The following IL1R1 variants were observed in gnomAD, a reference collection of about 807,000 sequenced individuals.
IL1R1 encodes interleukin 1 receptor type 1.
Under a neutral mutation model 50.2 loss-of-function variants are expected in IL1R1, and 22 were observed. The observed-to-expected ratio is 0.44, with a 90% CI of 0.31 to 0.63. IL1R1 has a LOEUF of 0.63. Among genes scored for constraint, IL1R1 ranks in the 20% least tolerant of loss-of-function variants. The pLI is 0.07. For missense variants in IL1R1, 509 were observed against 676.2 expected (o/e 0.75, Z 2.74); for synonymous variants, 251 against 236.7 (o/e 1.06, Z -0.55).
At chr2:102,098,790 T>G (rs1298928838) in intron 1 of IL1R1, among the ~76,000 whole-genome samples, 1 of 152,240 alleles carries the variant, frequency 6.6e-6, no homozygotes, top group African/African-American at 2.4e-5. Context: ...GTCCCATATC[T>G]TCTGTGCTGT....
chr2:102,151,563 C>A (rs2104492687), intron 1 of IL1R1, among the ~76,000 whole-genome samples: 1 of 152,320 alleles, frequency 6.6e-6, no homozygotes, highest in Non-Finnish European at 1.5e-5. Flanking sequence ...GTCTGCTCTG[C>A]ACTGCTTTCT....
rs192586579 is a variant in IL1R1, at chr2:102,128,224, C to T, written c.-84+23352C>T. The stretch of plus-strand genomic sequence containing the variant: ...CAGAAATACTAGCTTACTCTTTACC[C>T]GAAAACTCCCTATTCCAAAATGACA... On this transcript the variant is annotated intron_variant, in intron 1 of 10. Transcript: ENST00000409329. Among the ~76,000 whole-genome samples, 678 of 152,222 alleles carry T rather than the reference C, an allele frequency of 4.5e-3. 11 individuals are homozygous for T. In the South Asian group the frequency reaches 0.072, roughly 16 times the overall value.
chr2:102,153,127 G>T (rs1055526098), intron 1 of IL1R1, among the ~76,000 whole-genome samples: 3 of 152,178 alleles, frequency 2.0e-5, no homozygotes, highest in Admixed American at 6.5e-5. Flanking sequence ...GTGATATGGG[G>T]TGTAGGTATG....
chr2:102,152,255 C>T (rs1683736003), intron 1 of IL1R1, among the ~76,000 whole-genome samples: 1 of 151,794 alleles, frequency 6.6e-6, no homozygotes, highest in African/African-American at 2.4e-5. Context: ...CCTGTAATCC[C>T]AGCACTTTGG....
chr2:102,121,478 G>A (rs1681403655), intron 1 of IL1R1, among the ~76,000 whole-genome samples: 1 of 152,108 alleles, frequency 6.6e-6, no homozygotes, highest in Admixed American at 6.5e-5. Flanking sequence ...TCCTTCTTCT[G>A]GAGTTGACCA....
At chr2:102,073,406 AGGCCAT>A (rs1678824404) in intron 1 of IL1R1, among the ~76,000 whole-genome samples, 1 of 152,214 alleles carries the variant, frequency 6.6e-6, no homozygotes, top group Non-Finnish European at 1.5e-5. Context: ...GTGGAAAGAG[AGGCCAT>A]GGCCCCTGCA....
At chr2:102,105,532 C>A (rs187439311) in intron 1 of IL1R1, among the ~76,000 whole-genome samples, 270 of 152,004 alleles carry the variant, frequency 1.8e-3, no homozygotes, top group Non-Finnish European at 3.1e-3. Flanking sequence ...GCCCTGCTAA[C>A]TTTTTGTATT....
chr2:102,098,235 G>A (rs1000307503), intron 1 of IL1R1, among the ~76,000 whole-genome samples: 8 of 152,084 alleles, frequency 5.3e-5, no homozygotes, highest in African/African-American at 1.7e-4. Context: ...GGGAAACCAG[G>A]AAGAGAGGAG....
At position 102,132,577 on chromosome 2, in the gene IL1R1, A is replaced by G. The variant is rs942350755; in HGVS notation, c.-83-21364A>G. Among the ~76,000 whole-genome samples, 3 of 152,190 alleles carry G rather than the reference A, an allele frequency of 2.0e-5. No homozygotes were observed. In the South Asian group the frequency reaches 6.2e-4, roughly 32 times the overall value. On this transcript the variant is annotated intron_variant, in intron 1 of 10. Coordinates refer to the IL1R1 transcript ENST00000409329. ...CCAAACAAGCAAAAGATAAGACATA[A>G]TAAAGATCAAAGCAGAAAGCAACTA...
At chr2:102,128,769 G>A (rs1681865319) in intron 1 of IL1R1, among the ~76,000 whole-genome samples, 1 of 152,200 alleles carries the variant, frequency 6.6e-6, no homozygotes, top group South Asian at 2.1e-4. Context: ...GTCAGTGGTA[G>A]AACAGTAAAA....
Position 102,166,107 on chromosome 2 carries a change from A to G in IL1R1, c.487-6A>G, listed in dbSNP as rs56081302. 2,359 of 1,610,952 alleles carry G rather than the reference A, an allele frequency of 1.5e-3. 5 individuals are homozygous for G. The highest frequency in any genetic ancestry group is 0.01 in the Middle Eastern group (63 of 6,048). On this transcript the variant is annotated splice_region_variant and splice_polypyrimidine_tract_variant and intron_variant, in intron 5 of 11. Coordinates refer to ENST00000410023, the MANE Select transcript of IL1R1 (RefSeq NM_000877.4). ...GTTTTCAATGCTTCTCTCTCCCTTT[A>G]TCTAGGATTGCAAACCTCTACTTCT...
chr2:102,169,726 A>G (rs149144698), intron 7 of IL1R1, among the ~76,000 whole-genome samples: 1 of 152,242 alleles, frequency 6.6e-6, no homozygotes, highest in Non-Finnish European at 1.5e-5. Context: ...GTAGAAAGAC[A>G]TTCTTAGACA....
chr2:102,138,929 G>T (rs1052895347), upstream of IL1R1, among the ~76,000 whole-genome samples: 3 of 152,190 alleles, frequency 2.0e-5, no homozygotes, highest in African/African-American at 7.2e-5. Context: ...ATTTCCACCT[G>T]ATGGTAGAAA....
At chr2:102,075,039 A>G (rs1243961727) in intron 1 of IL1R1, among the ~76,000 whole-genome samples, 1 of 152,036 alleles carries the variant, frequency 6.6e-6, no homozygotes, top group African/African-American at 2.4e-5. Context: ...TTCTTTATAC[A>G]TTTTTCTCTT....
chr2:102,151,988 G>T (rs1483743414), intron 1 of IL1R1, among the ~76,000 whole-genome samples: 1 of 152,124 alleles, frequency 6.6e-6, no homozygotes, highest in Non-Finnish European at 1.5e-5. Flanking sequence ...GGGCCGATGG[G>T]ATGGGTCAGG....
chr2:102,112,311 CGTGTGTGTGTGT>C (rs146015817), intron 1 of IL1R1, among the ~76,000 whole-genome samples: 4 of 148,024 alleles, frequency 2.7e-5, no homozygotes, highest in South Asian at 2.2e-4. Flanking sequence ...TGGGGATTAA[CGTGTGTGTGTGT>C]GTGTGTGTGT....
chr2:102,107,338 T>C lies in IL1R1; in HGVS notation c.-84+2466T>C, dbSNP rs543413016. Among the ~76,000 whole-genome samples, 6 of 152,288 alleles carry C rather than the reference T, an allele frequency of 3.9e-5. No individual in the cohort carries two copies. In the South Asian group the frequency reaches 1.2e-3, roughly 32 times the overall value. ...TGAAAAAGGATGAGTTCATGTCCTT[T>C]GTAGGGACATGGATGAAGCTGGAAA... On this transcript the variant is annotated intron_variant, in intron 1 of 10. Transcript: ENST00000409329.
At position 102,178,480 on chromosome 2, in the gene IL1R1, A is replaced by T. The variant is rs1686325048; in HGVS notation, c.*1721A>T. The T allele has an allele frequency of 1.3e-5, 2 of 152,324 alleles. No individual in the cohort carries two copies. Among genetic ancestry groups the T allele is most frequent in the Admixed American group, 6.5e-5 (1 of 15,294 alleles). 9.4% of individuals were successfully genotyped at this position (152,324 alleles called of 1,614,324 possible). On this transcript the variant is annotated 3_prime_UTR_variant, in exon 12 of 12. Coordinates refer to ENST00000410023, the MANE Select transcript of IL1R1 (RefSeq NM_000877.4). The stretch of plus-strand genomic sequence containing the variant: ...ATATAGAGAAAGTGACCTATTTTTT[A>T]AAAAAATCACACTCTAAGTTCTATT...
At chr2:102,117,065 C>T (rs113568457) in intron 1 of IL1R1, among the ~76,000 whole-genome samples, 7 of 152,094 alleles carry the variant, frequency 4.6e-5, no homozygotes, top group Admixed American at 6.6e-5. Flanking sequence ...AAAATATTGA[C>T]GTCTTGGTTT....
Sources: gnomAD v4.1 joint callset for allele counts (sites outside exome capture counted in the v4.1 genomes callset) on GRCh38, gnomAD v4.1.1 for gene constraint, MANE v1.5 for transcripts, NCBI Gene and HGNC (gene_info 2026-07-23, HGNC 2026-07-21) for gene names.